Variants in GOLM2 observed in about 807,000 individuals in gnomAD.
The protein encoded by GOLM2 is protein GOLM2.
A neutral mutation model predicts 55.9 loss-of-function variants in GOLM2; 26 were observed. That is an observed-to-expected ratio of 0.47 (90% confidence interval 0.34 to 0.65). The LOEUF (loss-of-function observed/expected upper bound fraction) is 0.65, where lower values mean the gene tolerates loss of function less well. Ranked by LOEUF, GOLM2 falls within the 30% of genes least tolerant of loss-of-function variation. The pLI, the probability that GOLM2 is intolerant of heterozygous loss-of-function variation, is 0.01. For synonymous variants in GOLM2, 165 were observed against 194.6 expected, an observed-to-expected ratio of 0.85 and a Z score of 1.27; for missense variants, 486 against 531.8, an observed-to-expected ratio of 0.91 and a Z score of 0.85.
At chr15:44,412,082 C>T (rs1447082116) in intron 9 of GOLM2, among the ~76,000 whole-genome samples, 1 of 152,010 alleles carries the variant, frequency 6.6e-6, no homozygotes, top group African/African-American at 2.4e-5. Flanking sequence ...GGGAGGATTA[C>T]TTGAGGCCGG....
intron 9 of GOLM2, among the ~76,000 whole-genome samples, chr15:44,405,708 C>T (rs1298274406): frequency 6.6e-6 from 1 of 152,054 alleles, no homozygotes; most frequent in African/African-American, 2.4e-5. Context: ...GCAACCTCTG[C>T]TTCCTAGGTT....
intron 8 of GOLM2, among the ~76,000 whole-genome samples, chr15:44,388,972 C>G (rs758238064): frequency 2.6e-5 from 4 of 151,956 alleles, no homozygotes; most frequent in Admixed American, 2.6e-4. Flanking sequence ...CCTGCCACCA[C>G]GCCCGGCTAA....
At chr15:44,350,262 CA>C (rs2079152766) in intron 6 of GOLM2, among the ~76,000 whole-genome samples, 1 of 151,700 alleles carries the variant, frequency 6.6e-6, no homozygotes, top group South Asian at 2.1e-4. Flanking sequence ...AAAGAAGACC[CA>C]AATAAAGTCA....
intron 6 of GOLM2, among the ~76,000 whole-genome samples, chr15:44,353,385 G>A (rs947819181): frequency 6.6e-6 from 1 of 152,110 alleles, no homozygotes; most frequent in African/African-American, 2.4e-5. Context: ...CCACTGCTAG[G>A]TATGTACTTA....
chr15:44,292,682 A>T (rs990721143), intron 1 of GOLM2, among the ~76,000 whole-genome samples: 2 of 152,112 alleles, frequency 1.3e-5, no homozygotes, highest in African/African-American at 2.4e-5. Flanking sequence ...GCTGGCTATA[A>T]CAACTTTCTT....
At chr15:44,381,038 G>A (rs1003875958) in intron 8 of GOLM2, 62 bp downstream of exon 8, 1 of 1,053,988 alleles carries the variant, frequency 9.5e-7, no homozygotes, top group Non-Finnish European at 1.3e-6. Context: ...ATGAATTAAG[G>A]TCTTCATTAT....
chr15:44,389,252 G>A (rs935739816), intron 8 of GOLM2, among the ~76,000 whole-genome samples: 7 of 151,912 alleles, frequency 4.6e-5, no homozygotes, highest in African/African-American at 1.5e-4. Flanking sequence ...CATTGTGGCC[G>A]GGCACAGTGG....
chr15:44,345,053 C>T (rs1238432104), intron 6 of GOLM2, among the ~76,000 whole-genome samples: 2 of 151,684 alleles, frequency 1.3e-5, no homozygotes, highest in South Asian at 2.1e-4. Flanking sequence ...CCTCGTGATC[C>T]GCCTGCCTCG....
Position 44,375,571 on chromosome 15 carries a change from G to A in GOLM2, c.803-4119G>A, listed in dbSNP as rs190539489. The stretch of plus-strand genomic sequence containing the variant: ...ACAGGAAGATGGCTGGAGCCTGGGA[G>A]TTCCAAGACCAGTCTGGACAACATA... On this transcript the variant is annotated intron_variant, in intron 6 of 9. Transcript: ENST00000299957. Among the ~76,000 whole-genome samples the A allele has an allele frequency of 4.5e-3, 686 of 152,174 alleles. 3 individuals carry two copies. Among genetic ancestry groups the A allele is most frequent in the Non-Finnish European group, 7.3e-3 (496 of 68,006 alleles).
At chr15:44,346,434 G>C (rs547186691) in intron 6 of GOLM2, among the ~76,000 whole-genome samples, 2 of 152,244 alleles carry the variant, frequency 1.3e-5, no homozygotes, top group African/African-American at 4.8e-5. Context: ...ATGTAGCTAA[G>C]GCAGAAAAAC....
At position 44,377,215 on chromosome 15, in the gene GOLM2, A is replaced by G. The variant is rs147702866; in HGVS notation, c.803-2475A>G. Among the ~76,000 whole-genome samples the G allele has an allele frequency of 2.2e-4, 34 of 152,266 alleles. No homozygotes were observed. The South Asian group carries it at 5.0e-3, about 22-fold the overall frequency. On this transcript the variant is annotated intron_variant, in intron 6 of 9. Transcript: ENST00000299957. ...TAGTAAGACCTCGTCTCTACAAAAA[A>G]TAAAATATTAGCCAAGTGTAGTAGT...
At chr15:44,304,827 T>G (rs1483077213) in intron 1 of GOLM2, among the ~76,000 whole-genome samples, 1 of 151,918 alleles carries the variant, frequency 6.6e-6, no homozygotes, top group Non-Finnish European at 1.5e-5. Flanking sequence ...AGTACTGGGA[T>G]TACAGGCATA....
At chr15:44,396,098 T>C (rs1011311979) in intron 8 of GOLM2, among the ~76,000 whole-genome samples, 3 of 152,118 alleles carry the variant, frequency 2.0e-5, no homozygotes, top group Non-Finnish European at 4.4e-5. Flanking sequence ...CTCATGACTG[T>C]AATCCCAGCA....
At chr15:44,337,395 T>G (rs2141146002) in intron 4 of GOLM2, among the ~76,000 whole-genome samples, 1 of 151,868 alleles carries the variant, frequency 6.6e-6, no homozygotes, top group South Asian at 2.1e-4. Context: ...AACATATGCT[T>G]ACAGAGAACC....
intron 9 of GOLM2, 88 bp downstream of exon 9, chr15:44,403,142 T>C: frequency 6.9e-7 from 1 of 1,459,604 alleles, no homozygotes; most frequent in Non-Finnish European, 9.5e-7. Context: ...CCCCCACTTA[T>C]TAGTGGCAGT....
At chr15:44,396,390 T>G (rs2079527227) in intron 8 of GOLM2, among the ~76,000 whole-genome samples, 1 of 152,084 alleles carries the variant, frequency 6.6e-6, no homozygotes, top group Non-Finnish European at 1.5e-5. Flanking sequence ...AAACATAAAA[T>G]TTTAGCCACG....
intron 1 of GOLM2, among the ~76,000 whole-genome samples, chr15:44,296,681 C>G (rs1427844765): frequency 6.6e-6 from 1 of 152,166 alleles, no homozygotes; most frequent in Non-Finnish European, 1.5e-5. Flanking sequence ...GGGACTCTGT[C>G]TGTGTTCCTG....
At chr15:44,320,138 C>T (rs2078939331) in intron 1 of GOLM2, among the ~76,000 whole-genome samples, 1 of 152,126 alleles carries the variant, frequency 6.6e-6, no homozygotes, top group African/African-American at 2.4e-5. Flanking sequence ...TATGGCTTTA[C>T]CTATTCTGTA....
At chr15:44,318,708 CAA>C (rs932864980) in intron 1 of GOLM2, among the ~76,000 whole-genome samples, 31 of 94,862 alleles carry the variant, frequency 3.3e-4, no homozygotes, top group Admixed American at 3.5e-4. Context: ...CACTCTGTCT[CAA>C]AAAAAAAAAA....
Sources: gnomAD v4.1 joint callset for allele counts (sites outside exome capture counted in the v4.1 genomes callset) on GRCh38, gnomAD v4.1.1 for gene constraint, MANE v1.5 for transcripts, NCBI Gene and HGNC (gene_info 2026-07-23, HGNC 2026-07-21) for gene names.